LRFN5: variants seen among roughly 807,000 people sequenced by gnomAD.
LRFN5 encodes the protein leucine rich repeat and fibronectin type III domain containing 5.
A neutral mutation model predicts 45.6 loss-of-function variants in LRFN5; 24 were observed. The ratio of observed to expected loss-of-function variants is 0.53; its 90% CI spans 0.38 to 0.74. The LOEUF (loss-of-function observed/expected upper bound fraction) is 0.74, where lower values mean the gene tolerates loss of function less well. LRFN5 is among the 30% of genes least tolerant of loss of function. The pLI, the probability that LRFN5 is intolerant of heterozygous loss-of-function variation, is 0.00. For missense variants in LRFN5, 776 were observed against 861.5 expected (o/e 0.90, Z 1.24); for synonymous variants, 340 against 313.8 (o/e 1.08, Z -0.88).
At chr14:41,873,286 T>C (rs1411630651) in intron 2 of LRFN5, among the ~76,000 whole-genome samples, 7 of 151,960 alleles carry the variant, frequency 4.6e-5, no homozygotes, top group Admixed American at 6.6e-5. Context: ...GCAGAGCTTT[T>C]TTAAATTTTT....
intron 1 of LRFN5, among the ~76,000 whole-genome samples, chr14:41,755,504 C>G (rs1363910240): frequency 6.6e-6 from 1 of 152,160 alleles, no homozygotes; most frequent in Non-Finnish European, 1.5e-5. Context: ...GAATTGATCC[C>G]TTTACCATTA....
intron 1 of LRFN5, among the ~76,000 whole-genome samples, chr14:41,621,308 C>T (rs1377504802): frequency 6.6e-6 from 1 of 151,996 alleles, no homozygotes; most frequent in African/African-American, 2.4e-5. Flanking sequence ...GCCCATAACA[C>T]AAAACTTTCT....
Position 41,611,587 on chromosome 14 carries a change from G to T in LRFN5, c.-197+3025G>T, listed in dbSNP as rs867486083. ...AGCATAAGCAGATAGGTGAAAAGAAGTTGTCACTTGATTCTTGTACCTCGG... is the reference window on the plus strand; with the variant it reads ...AGCATAAGCAGATAGGTGAAAAGAATTTGTCACTTGATTCTTGTACCTCGG... On this transcript the variant is annotated intron_variant, in intron 1 of 5. Coordinates refer to ENST00000298119, the MANE Select transcript of LRFN5 (RefSeq NM_152447.5). Among the ~76,000 whole-genome samples, 4 of 152,224 alleles carry T rather than the reference G, an allele frequency of 2.6e-5. No homozygotes were observed. The South Asian group carries it at 8.3e-4, about 32-fold the overall frequency.
chr14:41,736,876 A>G (rs1360007173), intron 1 of LRFN5, among the ~76,000 whole-genome samples: 1 of 152,186 alleles, frequency 6.6e-6, no homozygotes, highest in Non-Finnish European at 1.5e-5. Flanking sequence ...CCAATCCAAA[A>G]AAGCCCAGGA....
rs58845118 is a variant in LRFN5 at position 41,650,896 on chromosome 14, A to AGAGGGAGGGAGG, written c.-197+42358_-197+42369dup. 2.4e-3 allele frequency among the ~76,000 whole-genome samples: 193 copies of AGAGGGAGGGAGG among 80,902 alleles called. 3 individuals carry two copies. Among genetic ancestry groups the AGAGGGAGGGAGG allele is most frequent in the Middle Eastern group, 8.2e-3 (1 of 122 alleles). 53.1% of individuals were successfully genotyped at this position (80,902 alleles called of 152,430 possible). ...CAAAGAGACAGAGAAAGAGAGAGAG[A>AGAGGGAGGGAGG]GAGGGAGGGAGGGAGGGAGGGAGGG... On this transcript the variant is annotated intron_variant, in intron 1 of 5. Transcript: ENST00000298119.
intron 1 of LRFN5, among the ~76,000 whole-genome samples, chr14:41,748,280 A>G (rs992294610): frequency 2.0e-5 from 3 of 152,242 alleles, no homozygotes; most frequent in Admixed American, 1.3e-4. Flanking sequence ...TCACCTGTCC[A>G]TTAGCAGACA....
chr14:41,850,081 A>G (rs1408758551), intron 2 of LRFN5, among the ~76,000 whole-genome samples: 4 of 151,956 alleles, frequency 2.6e-5, no homozygotes, highest in Non-Finnish European at 4.4e-5. Flanking sequence ...ATGTGCATGT[A>G]TAATATAGTA....
intron 2 of LRFN5, among the ~76,000 whole-genome samples, chr14:41,799,605 TC>T (rs1045294473): frequency 1.3e-5 from 2 of 152,074 alleles, no homozygotes; most frequent in Non-Finnish European, 2.9e-5. Context: ...CAACTTTTTT[TC>T]TTTCTCTTAT....
At chr14:41,736,565 A>C (rs963774637) in intron 1 of LRFN5, among the ~76,000 whole-genome samples, 2 of 152,096 alleles carry the variant, frequency 1.3e-5, no homozygotes, top group African/African-American at 4.8e-5. Flanking sequence ...CTTCGGTGAT[A>C]GTTTCTTTTG....
At chr14:41,686,126 T>G (rs1882109795) in intron 1 of LRFN5, among the ~76,000 whole-genome samples, 2 of 152,150 alleles carry the variant, frequency 1.3e-5, no homozygotes, top group Non-Finnish European at 2.9e-5. Flanking sequence ...TTTGTTTGTG[T>G]CCGCTCTTAT....
chr14:41,835,532 C>T (rs1194088438), intron 2 of LRFN5, among the ~76,000 whole-genome samples: 2 of 152,000 alleles, frequency 1.3e-5, no homozygotes, highest in East Asian at 1.9e-4. Context: ...AATGAGTAAG[C>T]CTGGATAATA....
chr14:41,712,274 G>T (rs572590710), intron 1 of LRFN5, among the ~76,000 whole-genome samples: 2 of 145,270 alleles, frequency 1.4e-5, no homozygotes, highest in Non-Finnish European at 3.0e-5. Context: ...TAAGAAAAAG[G>T]TTTTGGGCCA....
At chr14:41,783,916 T>C (rs1179876894) in intron 2 of LRFN5, among the ~76,000 whole-genome samples, 1 of 152,134 alleles carries the variant, frequency 6.6e-6, no homozygotes, top group Non-Finnish European at 1.5e-5. Flanking sequence ...CACTTTATGA[T>C]TTTTGTGTTA....
intron 1 of LRFN5, among the ~76,000 whole-genome samples, chr14:41,652,216 A>G (rs1185859331): frequency 2.0e-5 from 3 of 152,110 alleles, no homozygotes; most frequent in Non-Finnish European, 4.4e-5. Flanking sequence ...AAATTATTGA[A>G]AATTAGTGAT....
At chr14:41,668,090 T>A (rs755986340) in intron 1 of LRFN5, among the ~76,000 whole-genome samples, 8 of 152,120 alleles carry the variant, frequency 5.3e-5, no homozygotes, top group Non-Finnish European at 1.2e-4. Context: ...GCTTGTTTGG[T>A]CACTTGAGAA....
At chr14:41,734,665 AG>A (rs1243380971) in intron 1 of LRFN5, among the ~76,000 whole-genome samples, 1 of 151,790 alleles carries the variant, frequency 6.6e-6, no homozygotes, top group Non-Finnish European at 1.5e-5. Context: ...TTACATTCAA[AG>A]TAATTGCTGA....
chr14:41,691,185 T>TA (rs948628833), intron 1 of LRFN5, among the ~76,000 whole-genome samples: 1 of 152,120 alleles, frequency 6.6e-6, no homozygotes, highest in African/African-American at 2.4e-5. Context: ...GAACATTTTT[T>TA]TCAGCTCTAT....
chr14:41,791,185 T>TA (rs568130951), intron 2 of LRFN5, among the ~76,000 whole-genome samples: 7 of 151,996 alleles, frequency 4.6e-5, no homozygotes, highest in South Asian at 2.1e-4. Context: ...GTGTTTTTTT[T>TA]AAAAAAAGTA....
At chr14:41,699,713 T>C (rs1195915755) in intron 1 of LRFN5, 1 of 152,098 alleles carries the variant, frequency 6.6e-6, no homozygotes, top group African/African-American at 2.4e-5. Context: ...TTACAGGAGA[T>C]AGAGTTATTG....
Sources: gnomAD v4.1 joint callset for allele counts (sites outside exome capture counted in the v4.1 genomes callset) on GRCh38, gnomAD v4.1.1 for gene constraint, MANE v1.5 for transcripts, NCBI Gene and HGNC (gene_info 2026-07-23, HGNC 2026-07-21) for gene names.